Variants in IARS1 observed in about 807,000 individuals in gnomAD.
The protein encoded by IARS1 is isoleucine--tRNA ligase, cytoplasmic.
IARS1 carries 124 observed loss-of-function variants against 168.2 expected under a neutral mutation model. The observed-to-expected ratio is 0.74, with a 90% CI of 0.64 to 0.86. The LOEUF (loss-of-function observed/expected upper bound fraction) is 0.86. IARS1 is among the 40% of genes least tolerant of loss of function. The pLI, the probability that IARS1 is intolerant of heterozygous loss-of-function variation, is 0.00. For missense variants in IARS1, 1,452 were observed against 1,515.8 expected (o/e 0.96, Z 0.70); for synonymous variants, 532 against 529.4 (o/e 1.00, Z -0.07).
intron 11 of IARS1, 29 bp from the exon 12 acceptor site, chr9:92,271,105 T>G: frequency 7.1e-7 from 1 of 1,403,028 alleles, no homozygotes; most frequent in Non-Finnish European, 1.0e-6. Context: ...ATTTAGCCAT[T>G]AAAACATACT....
chr9:92,268,058 G>T, intron 14 of IARS1, 116 bp downstream of exon 14: 6 of 1,106,046 alleles, frequency 5.4e-6, no homozygotes, highest in Non-Finnish European at 7.6e-6. Context: ...GAGGAAAAAA[G>T]ATGAAATAAG....
intron 31 of IARS1, among the ~76,000 whole-genome samples, chr9:92,226,917 A>C (rs1825787187): frequency 7.0e-6 from 1 of 142,196 alleles, no homozygotes; most frequent in South Asian, 2.5e-4. Context: ...CAAGTGAACA[A>C]AGGTCTCTGG....
intron 31 of IARS1, among the ~76,000 whole-genome samples, chr9:92,225,903 G>A (rs961292270): frequency 6.6e-6 from 1 of 152,232 alleles, no homozygotes; most frequent in African/African-American, 2.4e-5. Flanking sequence ...ACAGTGAGCA[G>A]CCCACGCTCC....
rs1004927596 is a variant in IARS1 at position 92,293,643 on chromosome 9, G to A, written c.-40C>T. On this transcript the variant is annotated 5_prime_UTR_variant, in exon 1 of 34. Coordinates refer to ENST00000443024, the MANE Select transcript of IARS1 (RefSeq NM_002161.6). ...GCCTCGCGTGCCTGGACAGCCCCGC[G>A]GGCCAGCAAGCCTAAAAGCAACTCA... 3.3e-6 allele frequency: 1 copy of A among 301,004 alleles called. No homozygotes were observed. The highest frequency in any genetic ancestry group is 4.3e-5 in the Admixed American group (1 of 23,504). The allele number at this position is 301,004 out of a possible 1,614,324, so 18.6% of individuals were successfully genotyped here. A position where few individuals can be genotyped will look rare whatever the true frequency, so the allele number is the denominator to read the frequency against.
chr9:92,262,885 A>T (rs1201083541), intron 17 of IARS1, 84 bp downstream of exon 17: 1 of 952,466 alleles, frequency 1.0e-6, no homozygotes, highest in Non-Finnish European at 1.7e-6. Flanking sequence ...TGTCACTACA[A>T]CAAAGTTGAC....
intron 20 of IARS1, among the ~76,000 whole-genome samples, chr9:92,253,660 C>T (rs961622740): frequency 6.6e-6 from 1 of 151,964 alleles, no homozygotes; most frequent in Non-Finnish European, 1.5e-5. Context: ...GGGGTGCACA[C>T]AAAAAAATCA....
intron 7 of IARS1, 79 bp downstream of exon 7, chr9:92,280,663 AAAAG>A: frequency 1.2e-6 from 1 of 823,008 alleles, no homozygotes; most frequent in Non-Finnish European, 1.8e-6. Context: ...TCTTCATGCA[AAAAG>A]AAAGGTAAGC....
Position 92,269,973 on chromosome 9 carries a change from G to T in IARS1, c.1216C>A (p.Pro406Thr), listed in dbSNP as rs780327422. The T allele has an allele frequency of 1.2e-6, 2 of 1,612,100 alleles. No homozygotes were observed. Among genetic ancestry groups the T allele is most frequent in the South Asian group, 2.2e-5 (2 of 91,008 alleles). The stretch of plus-strand genomic sequence containing the variant: ...CTGGGCACTGCTTTGTAAATTAGAG[G>T]AGTGTCTGATCTGGGGAAGCAGAAA... ...SYPFCWRSDT[P>T]LIYKAVPSWF... The change falls in exon 13 of 34, where the codon CCT becomes ACT. Residue 406 changes from proline (P) to threonine (T), a missense_variant. Physicochemically the swap from Pro to Thr is conservative, Grantham distance 38. Coordinates refer to ENST00000443024, the MANE Select transcript of IARS1 (RefSeq NM_002161.6).
intron 10 of IARS1, among the ~76,000 whole-genome samples, chr9:92,272,090 G>GA (rs1217245675): frequency 6.6e-6 from 1 of 152,226 alleles, no homozygotes; most frequent in Non-Finnish European, 1.5e-5. Context: ...TTACAGATAG[G>GA]AAAGTCGAGG....
intron 6 of IARS1, among the ~76,000 whole-genome samples, chr9:92,281,842 T>C (rs1029035259): frequency 6.6e-6 from 1 of 152,198 alleles, no homozygotes; most frequent in Admixed American, 6.5e-5. Flanking sequence ...ACACTACTAT[T>C]GGCCTGTACC....
At chr9:92,258,239 C>T (rs2133774909) in intron 19 of IARS1, among the ~76,000 whole-genome samples, 1 of 152,342 alleles carries the variant, frequency 6.6e-6, no homozygotes, top group East Asian at 1.9e-4. Context: ...CCAATTCCCA[C>T]TCCATTGGTT....
Position 92,268,206 on chromosome 9 carries a change from T to C in IARS1, c.1399A>G (p.Ile467Val). Residue 467 changes from isoleucine (I) to valine (V), a missense_variant, in exon 14 of 34, where the codon ATC (isoleucine) becomes GTC (valine). By Grantham distance (29) the Ile-to-Val change is conservative. Transcript: ENST00000443024. ...AAGTCATCGCTGACCCACAGTGGGA[T>C]GGGGGTGCCCCAGTATCTGTTTCTG... The part of the protein sequence containing the change: ...ISRNRYWGTP[I>V]PLWVSDDFEE... 4.3e-6 allele frequency: 7 copies of C among 1,609,712 alleles called. No individual in the cohort carries two copies. The highest frequency in any genetic ancestry group is 5.9e-6 in the Non-Finnish European group (7 of 1,178,946).
chr9:92,219,608 G>A (rs1839342104), intron 33 of IARS1, among the ~76,000 whole-genome samples: 1 of 151,598 alleles, frequency 6.6e-6, no homozygotes, highest in Non-Finnish European at 1.5e-5. Flanking sequence ...GTGGGCAAAG[G>A]ACATGAACAG....
At chr9:92,265,741 T>G (rs972316575) in intron 14 of IARS1, among the ~76,000 whole-genome samples, 188 bp from the exon 15 acceptor site, 3 of 152,052 alleles carry the variant, frequency 2.0e-5, no homozygotes, top group Admixed American at 6.6e-5. Context: ...CACTGCAGCC[T>G]CAGCTTCCTG....
intron 30 of IARS1, among the ~76,000 whole-genome samples, chr9:92,237,624 T>C (rs1827726834): frequency 6.6e-6 from 1 of 152,358 alleles, no homozygotes; most frequent in East Asian, 1.9e-4. Context: ...ATTTCATGTA[T>C]TTTGTAACTC....
chr9:92,285,671 G>T (rs1386317977), intron 6 of IARS1, 51 bp downstream of exon 6: 4 of 1,141,132 alleles, frequency 3.5e-6, no homozygotes, highest in Non-Finnish European at 4.0e-6. Flanking sequence ...TAACTACTCA[G>T]CTTCCACCTA....
Position 92,280,837 on chromosome 9 carries a change from TA to T in IARS1, c.653del (p.Val218AspfsTer3). ...VTFPLEEDETVSLVAWTTTPW... is the reference protein window; with the variant it reads ...VTFPLEEDETXSLVAWTTTPW... ...GAGTGGTTGTCCAAGCAACTAAAGA[TA>T]CAGTTTCATCTTCTTCCAAAGGGAA... is the stretch of plus-strand genomic sequence containing the variant. On this transcript the variant is annotated frameshift_variant, in exon 7 of 34. Transcript: ENST00000443024. LOFTEE classifies it high-confidence loss of function. The T allele has an allele frequency of 6.2e-7, 1 of 1,610,606 alleles. No homozygotes were observed. Among genetic ancestry groups the T allele is most frequent in the Non-Finnish European group, 8.5e-7 (1 of 1,176,968 alleles).
In IARS1 at chr9:92,249,962, A is replaced by G. The variant is rs753251138; in HGVS notation, c.2533-21T>C. ...GGATACTAGGAGGAAAAGGGAGGGG[A>G]AAGTTCACTCAGCAGCCAGTCCTCT... On this transcript the variant is annotated intron_variant, in intron 24 of 33. Coordinates refer to ENST00000443024, the MANE Select transcript of IARS1 (RefSeq NM_002161.6). The G allele has an allele frequency of 4.3e-6, 6 of 1,393,112 alleles. No individual in the cohort carries two copies. In the Admixed American group the frequency reaches 1.0e-4, roughly 24 times the overall value. The allele number at this position is 1,393,112 out of a possible 1,614,324, so 86.3% of individuals were successfully genotyped here.
At chr9:92,229,564 G>A (rs1008982175) in intron 30 of IARS1, among the ~76,000 whole-genome samples, 2 of 152,012 alleles carry the variant, frequency 1.3e-5, no homozygotes, top group African/African-American at 4.8e-5. Flanking sequence ...AGGTCACGAT[G>A]GTTAAAAATA....
Sources: allele counts gnomAD v4.1 joint callset (sites outside exome capture counted in the v4.1 genomes callset), GRCh38; gene constraint gnomAD v4.1.1; transcripts MANE v1.5; gene names NCBI Gene and HGNC (gene_info 2026-07-23, HGNC 2026-07-21).